Variants in UNC5D observed in about 807,000 individuals in gnomAD.
UNC5D encodes netrin receptor UNC5D.
Under a neutral mutation model 105.4 loss-of-function variants are expected in UNC5D, and 39 were observed. The observed-to-expected ratio is 0.37, with a 90% CI of 0.29 to 0.48. The LOEUF (loss-of-function observed/expected upper bound fraction) is 0.48, where lower values mean the gene tolerates loss of function less well. UNC5D is among the 20% of genes least tolerant of loss of function. The probability of loss-of-function intolerance (pLI) is 0.98; values close to 1 mark genes in which losing one functional copy is unlikely to be tolerated. For synonymous variants in UNC5D, 452 were observed against 450.4 expected (o/e 1.00, Z -0.04); for missense variants, 991 against 1,202.4 (o/e 0.82, Z 2.60).
At chr8:35,376,323 C>T (rs765555636) in intron 1 of UNC5D, among the ~76,000 whole-genome samples, 32 of 152,138 alleles carry the variant, frequency 2.1e-4, no homozygotes, top group Non-Finnish European at 3.7e-4. Context: ...GATTATCATA[C>T]CTTCTGACCA....
chr8:35,664,974 C>A (rs1052434988), intron 4 of UNC5D, among the ~76,000 whole-genome samples: 1 of 152,108 alleles, frequency 6.6e-6, no homozygotes, highest in Non-Finnish European at 1.5e-5. Flanking sequence ...GCTGGGACTG[C>A]AGATGTGCAC....
chr8:35,586,058 A>G (rs1022081469), intron 3 of UNC5D, among the ~76,000 whole-genome samples: 5 of 152,090 alleles, frequency 3.3e-5, no homozygotes, highest in African/African-American at 1.2e-4. Flanking sequence ...GGATCACCTG[A>G]GGTCAGGAGT....
intron 2 of UNC5D, among the ~76,000 whole-genome samples, chr8:35,563,743 C>T (rs1011283303): frequency 6.6e-6 from 1 of 151,950 alleles, no homozygotes; most frequent in Non-Finnish European, 1.5e-5. Context: ...AGGTTGTTAG[C>T]TGTAGGTTTG....
intron 4 of UNC5D, among the ~76,000 whole-genome samples, chr8:35,667,616 A>G (rs1373158691): frequency 1.3e-5 from 2 of 152,224 alleles, no homozygotes; most frequent in Admixed American, 1.3e-4. Flanking sequence ...CTAGGAATCT[A>G]TAAGAAGAAC....
intron 1 of UNC5D, among the ~76,000 whole-genome samples, chr8:35,471,449 A>G (rs565279492): frequency 1.3e-5 from 2 of 152,308 alleles, no homozygotes; most frequent in African/African-American, 4.8e-5. Context: ...TAATAATTAA[A>G]GTGAATTATA....
chr8:35,420,064 CAATCAAA>C (rs2128965205), intron 1 of UNC5D, among the ~76,000 whole-genome samples: 1 of 152,030 alleles, frequency 6.6e-6, no homozygotes, highest in African/African-American at 2.4e-5. Context: ...GAATAAAAGG[CAATCAAA>C]AATCAAAAAA....
At chr8:35,467,051 C>T (rs1031057168) in intron 1 of UNC5D, among the ~76,000 whole-genome samples, 2 of 152,082 alleles carry the variant, frequency 1.3e-5, no homozygotes, top group African/African-American at 4.8e-5. Flanking sequence ...GGGTGAAATT[C>T]CAGGTCATGG....
chr8:35,654,612 C>A (rs967518671), intron 4 of UNC5D, among the ~76,000 whole-genome samples: 1 of 152,112 alleles, frequency 6.6e-6, no homozygotes, highest in African/African-American at 2.4e-5. Context: ...CGATGCTTTT[C>A]AAAGTTGTTG....
At chr8:35,264,150 ATATC>A (rs1450943595) in intron 1 of UNC5D, among the ~76,000 whole-genome samples, 2 of 152,218 alleles carry the variant, frequency 1.3e-5, no homozygotes, top group Non-Finnish European at 2.9e-5. Flanking sequence ...GGGCTCATCT[ATATC>A]TAGCTATCGC....
At position 35,444,544 on chromosome 8, in the gene UNC5D, TTCTC is replaced by T. The variant is rs376588648; in HGVS notation, c.104-104736_104-104733del. ...TACCATGCATATAGAAACACACACT[TTCTC>T]TCTCTCTCTCTTCCCAAATTCATTC... is the stretch of plus-strand genomic sequence containing the variant. On this transcript the variant is annotated intron_variant, in intron 1 of 16. Transcript: ENST00000404895. Among the ~76,000 whole-genome samples, 48 of 151,654 alleles carry T rather than the reference TTCTC, an allele frequency of 3.2e-4. 2 individuals are homozygous for T. In the South Asian group the frequency reaches 7.9e-3, roughly 25 times the overall value.
chr8:35,633,637 C>A (rs1822183583), intron 4 of UNC5D, among the ~76,000 whole-genome samples: 1 of 152,036 alleles, frequency 6.6e-6, no homozygotes, highest in Non-Finnish European at 1.5e-5. Flanking sequence ...TGCCTGTAAT[C>A]CTAGCTACTT....
intron 1 of UNC5D, among the ~76,000 whole-genome samples, chr8:35,379,643 T>C (rs1802903757): frequency 6.6e-6 from 1 of 152,026 alleles, no homozygotes; most frequent in Non-Finnish European, 1.5e-5. Flanking sequence ...ATCCCTATCT[T>C]TAAGTCTCCC....
intron 1 of UNC5D, among the ~76,000 whole-genome samples, chr8:35,296,912 G>T (rs1237116588): frequency 6.6e-6 from 1 of 152,132 alleles, no homozygotes; most frequent in East Asian, 1.9e-4. Flanking sequence ...AACAAATAAT[G>T]CCATGCCAAT....
intron 11 of UNC5D, among the ~76,000 whole-genome samples, chr8:35,734,545 G>A (rs1338930975): frequency 2.0e-5 from 3 of 151,754 alleles, no homozygotes; most frequent in Non-Finnish European, 4.4e-5. Flanking sequence ...CTAGTAGCTG[G>A]GATTGCAGGC....
intron 11 of UNC5D, among the ~76,000 whole-genome samples, chr8:35,734,558 G>A (rs1338842151): frequency 6.6e-6 from 1 of 151,314 alleles, no homozygotes; most frequent in Non-Finnish European, 1.5e-5. Context: ...TTGCAGGCAT[G>A]TGCCACCATG....
At chr8:35,475,094 G>T (rs1490345029) in intron 1 of UNC5D, among the ~76,000 whole-genome samples, 1 of 152,104 alleles carries the variant, frequency 6.6e-6, no homozygotes, top group African/African-American at 2.4e-5. Flanking sequence ...AAATACTCAG[G>T]GATAAGGGAA....
At chr8:35,754,519 G>A (rs965472792) in intron 13 of UNC5D, among the ~76,000 whole-genome samples, 1 of 152,162 alleles carries the variant, frequency 6.6e-6, no homozygotes, top group Non-Finnish European at 1.5e-5. Flanking sequence ...CTGGGAGATT[G>A]TATCCCATAA....
At chr8:35,462,465 T>C (rs1808970253) in intron 1 of UNC5D, among the ~76,000 whole-genome samples, 1 of 152,144 alleles carries the variant, frequency 6.6e-6, no homozygotes, top group Non-Finnish European at 1.5e-5. Context: ...AAATTAGTTT[T>C]AAAGGTTATT....
At chr8:35,251,817 T>C (rs773509345) in intron 1 of UNC5D, among the ~76,000 whole-genome samples, 25 of 152,116 alleles carry the variant, frequency 1.6e-4, no homozygotes, top group Non-Finnish European at 3.2e-4. Flanking sequence ...TTTGTACTTA[T>C]CTTAGTGTCT....
Sources: gnomAD v4.1 joint callset for allele counts (sites outside exome capture counted in the v4.1 genomes callset) on GRCh38, gnomAD v4.1.1 for gene constraint, MANE v1.5 for transcripts, NCBI Gene and HGNC (gene_info 2026-07-23, HGNC 2026-07-21) for gene names.